The following RAD21L1 variants were observed in gnomAD, a reference collection of about 807,000 sequenced individuals.
The protein encoded by RAD21L1 is double-strand-break repair protein rad21-like protein 1.
A neutral mutation model predicts 69.0 loss-of-function variants in RAD21L1; 47 were observed. The ratio of observed to expected loss-of-function variants is 0.68; its 90% CI spans 0.54 to 0.87. The LOEUF is 0.87. RAD21L1 is among the 40% of genes least tolerant of loss of function. RAD21L1 has a pLI of 0.00. For synonymous variants in RAD21L1, 177 were observed against 205.8 expected, an observed-to-expected ratio of 0.86 and a Z score of 1.20; for missense variants, 583 against 647.6, an observed-to-expected ratio of 0.90 and a Z score of 1.08.
At chr20:1,230,526 A>T (rs4814031) in intron 3 of RAD21L1, 28,476 of 608,722 alleles carry the variant, frequency 0.047, 930 homozygotes, top group Admixed American at 0.13. Flanking sequence ...CACTTTGAAG[A>T]CATTTTTTAT....
chr20:1,227,196 C>T lies in RAD21L1; in HGVS notation c.-33+1056C>T, dbSNP rs1345599505. ...ACAGTGCTGGGATTACAGGCGTGAGCCACTGCGCCAGGCCAAAAAGTACAT... is the reference window on the plus strand; with the variant it reads ...ACAGTGCTGGGATTACAGGCGTGAGTCACTGCGCCAGGCCAAAAAGTACAT... On this transcript the variant is annotated intron_variant, in intron 1 of 13. Transcript: ENST00000683101. Among the ~76,000 whole-genome samples, 3 of 152,370 alleles carry T rather than the reference C, an allele frequency of 2.0e-5. No homozygotes were observed. In the East Asian group the frequency reaches 5.8e-4, roughly 29 times the overall value.
intron 13 of RAD21L1, among the ~76,000 whole-genome samples, chr20:1,250,412 G>A (rs961239637): frequency 6.6e-6 from 1 of 151,976 alleles, no homozygotes; most frequent in African/African-American, 2.4e-5. Context: ...CTGTGTCCAA[G>A]TGTTCTCATT....
At chr20:1,232,022 A>T (rs1337738782) in intron 4 of RAD21L1, among the ~76,000 whole-genome samples, 1 of 152,232 alleles carries the variant, frequency 6.6e-6, no homozygotes, top group African/African-American at 2.4e-5. Flanking sequence ...AGAAACAGAA[A>T]ATGAAATAAA....
intron 5 of RAD21L1, among the ~76,000 whole-genome samples, chr20:1,234,907 T>G (rs1027184033): frequency 2.0e-5 from 3 of 152,160 alleles, no homozygotes; most frequent in African/African-American, 7.2e-5. Flanking sequence ...ACTCAGCTAA[T>G]TTTTTAAAAC....
intron 1 of RAD21L1, among the ~76,000 whole-genome samples, 188 bp from the exon 2 acceptor site, chr20:1,228,234 G>C (rs950932133): frequency 6.6e-6 from 1 of 152,012 alleles, no homozygotes; most frequent in African/African-American, 2.4e-5. Context: ...ATTTACTAGA[G>C]CTTTGTCATT....
Position 1,254,333 on chromosome 20 carries a change from A to T in RAD21L1, c.1544A>T (p.Lys515Ile). The T allele has an allele frequency of 6.4e-7, 1 of 1,551,406 alleles. No individual in the cohort carries two copies. Among genetic ancestry groups the T allele is most frequent in the South Asian group, 1.2e-5 (1 of 84,036 alleles). The change falls in exon 14 of 14, where the codon AAA becomes ATA. Residue 515 changes from lysine to isoleucine, a missense_variant. Lys to Ile is a moderately radical substitution (Grantham distance 102). Transcript: ENST00000683101. ...AAGCTCTGTAGAAATAGTGACCGAAAACAAGCAGCTGCCAAATTTTATAGC... is the reference window on the plus strand; with the variant it reads ...AAGCTCTGTAGAAATAGTGACCGAATACAAGCAGCTGCCAAATTTTATAGC... ...LMKLCRNSDR[K>I]QAAAKFYSFL...
intron 13 of RAD21L1, among the ~76,000 whole-genome samples, chr20:1,253,063 C>A (rs1010827845): frequency 6.6e-6 from 1 of 152,204 alleles, no homozygotes; most frequent in Non-Finnish European, 1.5e-5. Context: ...CAGTTCTCAT[C>A]TTTTCTCTCA....
intron 5 of RAD21L1, among the ~76,000 whole-genome samples, chr20:1,235,049 C>G (rs978621474): frequency 2.0e-5 from 3 of 152,114 alleles, no homozygotes; most frequent in Non-Finnish European, 2.9e-5. Flanking sequence ...GGCTAGTGTA[C>G]TTTAAAATGG....
intron 11 of RAD21L1, among the ~76,000 whole-genome samples, chr20:1,244,881 C>G (rs147071438): frequency 2.0e-4 from 31 of 152,176 alleles, no homozygotes; most frequent in South Asian, 1.2e-3. Context: ...ACTGAATGCC[C>G]TTGGAAGGAA....
At chr20:1,236,478 C>G (rs911186887) in intron 5 of RAD21L1, among the ~76,000 whole-genome samples, 20 of 152,112 alleles carry the variant, frequency 1.3e-4, no homozygotes, top group African/African-American at 3.9e-4. Context: ...GTCTTACCAC[C>G]CAACAAATAC....
rs1373634127 is a variant in RAD21L1, at chr20:1,254,857, G to A, written c.*400G>A. 1.3e-5 allele frequency among the ~76,000 whole-genome samples: 2 copies of A among 151,948 alleles called. No homozygotes were observed. Among genetic ancestry groups the A allele is most frequent in the Non-Finnish European group, 2.9e-5 (2 of 68,012 alleles). On this transcript the variant is annotated 3_prime_UTR_variant, in exon 14 of 14. Coordinates refer to ENST00000683101, the MANE Select transcript of RAD21L1 (RefSeq NM_001384355.1). ...TTAACTTAGCTGATTTGAATATATA[G>A]CATTTATCATTTCCCTGATTTGAAT...
chr20:1,230,620 C>A, intron 3 of RAD21L1: 1 of 325,754 alleles, frequency 3.1e-6, no homozygotes, highest in Non-Finnish European at 4.4e-6. Context: ...AGGTCTTTGT[C>A]ATAATTATTT....
chr20:1,250,284 A>G (rs1405468130), intron 13 of RAD21L1, among the ~76,000 whole-genome samples: 1 of 142,718 alleles, frequency 7.0e-6, no homozygotes, highest in African/African-American at 2.6e-5. Context: ...TATGAGTTTT[A>G]GGGTACATGT....
In RAD21L1 at chr20:1,246,619, A is replaced by T. The variant is rs183933858; in HGVS notation, c.1401+314A>T. 2.1e-3 allele frequency among the ~76,000 whole-genome samples: 321 copies of T among 151,768 alleles called. 4 individuals are homozygous for T. Among genetic ancestry groups the T allele is most frequent in the Non-Finnish European group, 2.0e-3 (136 of 67,644 alleles). ...ATCACTGTTTTAAATTATTGATATA[A>T]CATCTCTAAAGAAACAGAACTATAT... On this transcript the variant is annotated intron_variant, in intron 12 of 13. Transcript: ENST00000683101. This position sits in a 1 kb window ranked among gnomAD's most constrained non-coding sequence, Gnocchi z 4.6.
At position 1,234,133 on chromosome 20, in the gene RAD21L1, A is replaced by G; in HGVS notation, c.417A>G (p.Glu139=). The change falls in exon 5 of 14, where the codon GAA becomes GAG. Residue 139 remains glutamate, a synonymous_variant. Transcript: ENST00000683101. ...EHFTQNQSRP[E]EITLRENFDN... The stretch of plus-strand genomic sequence containing the variant: ...TTACTCAGAACCAAAGCAGACCAGA[A>G]GAAATCACTCTTAGAGAAAATTTTG... 1 of 1,546,928 alleles carries G rather than the reference A, an allele frequency of 6.5e-7. No individual in the cohort carries two copies. The highest frequency in any genetic ancestry group is 8.7e-7 in the Non-Finnish European group (1 of 1,143,088).
rs185395230 is a variant in RAD21L1 at position 1,242,964 on chromosome 20, T to G, written c.1083+119T>G. 1.3e-3 allele frequency: 1,214 copies of G among 902,816 alleles called. 10 individuals carry two copies. In the African/African-American group the frequency reaches 0.019, roughly 14 times the overall value. 55.9% of individuals were successfully genotyped at this position (902,816 alleles called of 1,614,324 possible). ...AGAATTTAAACTTGCGAAGAAGTACTTCCTCATTTTGAATTAATTTTCTGT... is the reference window on the plus strand; with the variant it reads ...AGAATTTAAACTTGCGAAGAAGTACGTCCTCATTTTGAATTAATTTTCTGT... On this transcript the variant is annotated intron_variant, in intron 9 of 13. Coordinates refer to ENST00000683101, the MANE Select transcript of RAD21L1 (RefSeq NM_001384355.1).
At chr20:1,228,727 T>A (rs1310876571) in intron 2 of RAD21L1, 130 bp downstream of exon 2, 1 of 669,792 alleles carries the variant, frequency 1.5e-6, no homozygotes, top group Non-Finnish European at 2.4e-6. Flanking sequence ...TTCCTTTAAT[T>A]CCTATAGCAT....
In RAD21L1 at chr20:1,228,633, C is replaced by T; in HGVS notation, c.144+36C>T. Reference sequence around the variant, plus strand: ...GATTAAAATGATAGCTTGTATTTATCATGACTTTGGAGGAGGAAAGACATT... The same window carrying T: ...GATTAAAATGATAGCTTGTATTTATTATGACTTTGGAGGAGGAAAGACATT... On this transcript the variant is annotated intron_variant, in intron 2 of 13. Coordinates refer to ENST00000683101, the MANE Select transcript of RAD21L1 (RefSeq NM_001384355.1). The T allele has an allele frequency of 2.8e-6, 4 of 1,405,498 alleles. 1 individual carries two copies. The highest frequency in any genetic ancestry group is 3.8e-6 in the Non-Finnish European group (4 of 1,051,982). The allele number at this position is 1,405,498 out of a possible 1,614,324, so 87.1% of individuals were successfully genotyped here.
chr20:1,254,047 G>A (rs1157214128), intron 13 of RAD21L1, among the ~76,000 whole-genome samples: 2 of 151,990 alleles, frequency 1.3e-5, no homozygotes, highest in East Asian at 1.9e-4. Context: ...ATAACACTTC[G>A]GAATTCTTTT....
Sources: gnomAD v4.1 joint callset for allele counts (sites outside exome capture counted in the v4.1 genomes callset) on GRCh38, gnomAD v4.1.1 for gene constraint, Gnocchi (gnomAD v3.1) non-coding constraint, MANE v1.5 for transcripts, NCBI Gene and HGNC (gene_info 2026-07-23, HGNC 2026-07-21) for gene names.